The following COLEC11 variants were observed in gnomAD, a reference collection of about 807,000 sequenced individuals.
COLEC11 encodes the protein collectin-11.
A neutral mutation model predicts 27.3 loss-of-function variants in COLEC11; 20 were observed. The ratio of observed to expected loss-of-function variants is 0.73; its 90% CI spans 0.51 to 1.06. The LOEUF (loss-of-function observed/expected upper bound fraction) is 1.06, where lower values mean the gene tolerates loss of function less well. COLEC11 is among the 50% of genes least tolerant of loss of function. COLEC11 has a pLI of 0.00. For synonymous variants in COLEC11, 163 were observed against 154.7 expected (o/e 1.05, Z -0.40); for missense variants, 310 against 383.0 (o/e 0.81, Z 1.59).
At chr2:3,610,040 C>G (rs1275245228) in intron 2 of COLEC11, among the ~76,000 whole-genome samples, 1 of 152,240 alleles carries the variant, frequency 6.6e-6, no homozygotes, top group Non-Finnish European at 1.5e-5. Flanking sequence ...TCATGACAAA[C>G]TTGTCCTTAC....
chr2:3,632,664 A>G (rs1665105292), intron 3 of COLEC11, among the ~76,000 whole-genome samples: 1 of 152,216 alleles, frequency 6.6e-6, no homozygotes, highest in Admixed American at 6.5e-5. Flanking sequence ...ATTCAGCCCT[A>G]ACAGATGGTG....
chr2:3,628,922 C>T (rs540481666), intron 3 of COLEC11, among the ~76,000 whole-genome samples: 1 of 152,304 alleles, frequency 6.6e-6, no homozygotes, highest in South Asian at 2.1e-4. Flanking sequence ...GCCCAGTGTG[C>T]CGGGTGCCAC....
rs1056975548 is a variant in COLEC11 at position 3,643,791 on chromosome 2, C to T, written c.489C>T (p.Tyr163=). ...TGCTGGTGAAGGAGGAGAAGCGCTA[C>T]GCGGACGCCCAGCTGTCCTGCCAGG... ...IYLLVKEEKR[Y]ADAQLSCQGR... is the part of the protein sequence containing the mutation. The change falls in exon 7 of 7, where the codon TAC becomes TAT. Residue 163 remains tyrosine, a synonymous_variant. Transcript: ENST00000349077. The T allele has an allele frequency of 8.1e-6, 13 of 1,613,472 alleles. No homozygotes were observed. The highest frequency in any genetic ancestry group is 1.1e-5 in the South Asian group (1 of 91,096).
At chr2:3,597,389 G>A (rs1040229652) in intron 1 of COLEC11, among the ~76,000 whole-genome samples, 2 of 150,880 alleles carry the variant, frequency 1.3e-5, no homozygotes, top group Non-Finnish European at 2.9e-5. Context: ...CGGGGTCAGC[G>A]GATGAATGGA....
At chr2:3,607,753 A>C (rs891533559) in intron 2 of COLEC11, among the ~76,000 whole-genome samples, 2 of 152,184 alleles carry the variant, frequency 1.3e-5, no homozygotes, top group Admixed American at 6.5e-5. Context: ...CTGGCCTATC[A>C]AATTAATTTT....
At chr2:3,617,421 G>A in intron 3 of COLEC11, 1 of 1,022,362 alleles carries the variant, frequency 9.8e-7, no homozygotes, top group Non-Finnish European at 1.5e-6. Context: ...TGATGTGAAA[G>A]GGGCAGCACA....
chr2:3,624,538 A>G (rs2147917905), intron 3 of COLEC11, among the ~76,000 whole-genome samples: 1 of 152,228 alleles, frequency 6.6e-6, no homozygotes, highest in Non-Finnish European at 1.5e-5. Context: ...AAGCTCACTT[A>G]CTACACTTTC....
intron 2 of COLEC11, chr2:3,605,651 C>G (rs944023197): frequency 3.6e-5 from 7 of 195,586 alleles, no homozygotes; most frequent in Admixed American, 5.6e-5. Context: ...CGGTCCGCCC[C>G]CTCCTCATCC....
chr2:3,634,529 C>T (rs181507971), intron 3 of COLEC11, among the ~76,000 whole-genome samples: 33 of 152,272 alleles, frequency 2.2e-4, no homozygotes, highest in African/African-American at 6.5e-4. Flanking sequence ...TCCCTTGCAG[C>T]GAGTTTTGGG....
intron 3 of COLEC11, among the ~76,000 whole-genome samples, chr2:3,636,180 G>A (rs562767520): frequency 2.0e-5 from 3 of 152,092 alleles, no homozygotes; most frequent in South Asian, 2.1e-4. Context: ...CACCACCGCC[G>A]GGCGCAGTGG....
rs760665726 is a variant in COLEC11 at position 3,643,945 on chromosome 2, G to T, written c.643G>T (p.Val215Leu). ...INDLEKEGAFVYSDHSPMRTF... is the reference protein window; with the variant it reads ...INDLEKEGAFLYSDHSPMRTF... Reference sequence around the variant, plus strand: ...CGACCTGGAGAAGGAGGGCGCCTTCGTGTACTCTGACCACTCCCCCATGCG... The same window carrying T: ...CGACCTGGAGAAGGAGGGCGCCTTCTTGTACTCTGACCACTCCCCCATGCG... The change falls in exon 7 of 7, where the codon GTG (valine) becomes TTG (leucine). Residue 215 changes from valine (V) to leucine (L), a missense_variant. Transcript: ENST00000349077. 11 of 1,614,052 alleles carry T rather than the reference G, an allele frequency of 6.8e-6. No individual in the cohort carries two copies. The Admixed American group carries it at 1.3e-4, about 20-fold the overall frequency.
At chr2:3,634,735 T>A (rs1038975965) in intron 3 of COLEC11, among the ~76,000 whole-genome samples, 2 of 152,086 alleles carry the variant, frequency 1.3e-5, no homozygotes, top group African/African-American at 4.8e-5. Context: ...ACTCACAGGC[T>A]GCCGTGGAGA....
At chr2:3,629,891 G>A (rs1664847431) in intron 3 of COLEC11, among the ~76,000 whole-genome samples, 1 of 152,132 alleles carries the variant, frequency 6.6e-6, no homozygotes, top group South Asian at 2.1e-4. Context: ...ACGTATGTAG[G>A]TTTGTAAGTT....
In COLEC11 at chr2:3,643,965, C is replaced by A. The variant is rs199962584; in HGVS notation, c.663C>A (p.Pro221=). The A allele has an allele frequency of 3.7e-6, 6 of 1,614,188 alleles. No homozygotes were observed. The East Asian group carries it at 1.1e-4, about 30-fold the overall frequency. The change falls in exon 7 of 7, where the codon CCC becomes CCA. Residue 221 remains proline, a synonymous_variant. Coordinates refer to ENST00000349077, the MANE Select transcript of COLEC11 (RefSeq NM_024027.5). Reference sequence around the variant, plus strand: ...CCTTCGTGTACTCTGACCACTCCCCCATGCGGACCTTCAACAAGTGGCGCA... The same window carrying A: ...CCTTCGTGTACTCTGACCACTCCCCAATGCGGACCTTCAACAAGTGGCGCA... ...EGAFVYSDHS[P]MRTFNKWRSG...
chr2:3,624,085 A>T (rs1306530843), intron 3 of COLEC11, among the ~76,000 whole-genome samples: 1 of 152,180 alleles, frequency 6.6e-6, no homozygotes, highest in African/African-American at 2.4e-5. Context: ...TAAAGAGTAT[A>T]TGCCTTTTCT....
At chr2:3,608,967 C>T (rs1256473688) in intron 2 of COLEC11, among the ~76,000 whole-genome samples, 1 of 152,212 alleles carries the variant, frequency 6.6e-6, no homozygotes. Context: ...GCTGGGAGGG[C>T]TTACGCTGGG....
intron 2 of COLEC11, among the ~76,000 whole-genome samples, chr2:3,610,479 T>A (rs1044758752): frequency 6.6e-6 from 1 of 152,220 alleles, no homozygotes; most frequent in Non-Finnish European, 1.5e-5. Flanking sequence ...TGCTGTCATG[T>A]AGGCGGTGTG....
chr2:3,596,569 C>CCT (rs1180696978), intron 1 of COLEC11, among the ~76,000 whole-genome samples: 5 of 152,218 alleles, frequency 3.3e-5, no homozygotes, highest in African/African-American at 9.6e-5. Context: ...GAACTCCTAA[C>CCT]CAGGTGATCT....
chr2:3,626,382 G>A (rs1418537805), intron 3 of COLEC11, among the ~76,000 whole-genome samples: 2 of 151,754 alleles, frequency 1.3e-5, no homozygotes, highest in Admixed American at 1.3e-4. Flanking sequence ...TCTGGAATCA[G>A]CTTCGTCTTC....
Sources: allele counts gnomAD v4.1 joint callset (sites outside exome capture counted in the v4.1 genomes callset), GRCh38; gene constraint gnomAD v4.1.1; transcripts MANE v1.5; gene names NCBI Gene and HGNC (gene_info 2026-07-23, HGNC 2026-07-21).